PCDHGA2: variants seen among roughly 807,000 people sequenced by gnomAD.
PCDHGA2 encodes protocadherin gamma-A2.
In PCDHGA2, 40 loss-of-function variants were observed where a neutral mutation model predicts 59.2. The ratio of observed to expected loss-of-function variants is 0.68; its 90% CI spans 0.52 to 0.88. The LOEUF (loss-of-function observed/expected upper bound fraction) is 0.88, where lower values mean the gene tolerates loss of function less well. PCDHGA2 is among the 40% of genes least tolerant of loss of function. The pLI is 0.00. For synonymous variants in PCDHGA2, 560 were observed against 526.0 expected, an observed-to-expected ratio of 1.06 and a Z score of -0.89; for missense variants, 1,226 against 1,204.0, an observed-to-expected ratio of 1.02 and a Z score of -0.27.
At position 141,399,372 on chromosome 5, in the gene PCDHGA2, T is replaced by A; in HGVS notation, c.2424+57977T>A. The A allele has an allele frequency of 1.2e-6, 2 of 1,613,970 alleles. 1 individual carries two copies. The highest frequency in any genetic ancestry group is 2.2e-5 in the South Asian group (2 of 91,086). On this transcript the variant is annotated intron_variant, in intron 1 of 3. Transcript: ENST00000394576. ...ACCGAGAGCAAACCCCGGAGTACAATGTCACCATCACAGCCACAGACAGGG... is the reference window on the plus strand; with the variant it reads ...ACCGAGAGCAAACCCCGGAGTACAAAGTCACCATCACAGCCACAGACAGGG...
At chr5:141,360,154 A>G (rs1287127604) in intron 1 of PCDHGA2, 1 of 1,603,902 alleles carries the variant, frequency 6.2e-7, no homozygotes, top group South Asian at 1.1e-5. Flanking sequence ...GAGCTCAGGG[A>G]GGTGCGGGCT....
chr5:141,390,053 C>G, intron 1 of PCDHGA2: 1 of 1,614,066 alleles, frequency 6.2e-7, no homozygotes, highest in Non-Finnish European at 8.5e-7. Context: ...CCTCCTGGAG[C>G]TGCTTCCAGC....
chr5:141,431,222 C>T lies in PCDHGA2; in HGVS notation c.2425-63585C>T. On this transcript the variant is annotated intron_variant, in intron 1 of 3. Transcript: ENST00000394576. The surrounding 1 kb of genome is among the most constrained non-coding windows in gnomAD (Gnocchi z 4.8). ...AGCCACTGAGATGCGGTTCCCTCTA[C>T]CCCACGCCTGGGATCCGGATATCGG... The T allele has an allele frequency of 6.2e-7, 1 of 1,614,170 alleles. No individual in the cohort carries two copies. Among genetic ancestry groups the T allele is most frequent in the South Asian group, 1.1e-5 (1 of 91,090 alleles).
At position 141,340,827 on chromosome 5, in the gene PCDHGA2, T is replaced by C. The variant is rs1455827873; in HGVS notation, c.1856T>C (p.Val619Ala). The change falls in exon 1 of 4, where the codon GTG (valine) becomes GCG (alanine). Residue 619 changes from valine (V) to alanine (A), a missense_variant. Val to Ala is a moderately conservative substitution (Grantham distance 64). Coordinates refer to ENST00000394576, the MANE Select transcript of PCDHGA2 (RefSeq NM_018915.4). Reference protein sequence around the residue: ...LKASEPGLFSVGLHTGEVRTA... With the variant: ...LKASEPGLFSAGLHTGEVRTA... ...GCCAGCGAGCCGGGACTCTTCTCGG[T>C]GGGTCTGCACACGGGCGAGGTGCGC... 2 of 1,613,750 alleles carry C rather than the reference T, an allele frequency of 1.2e-6. No homozygotes were observed. The highest frequency in any genetic ancestry group is 1.7e-6 in the Non-Finnish European group (2 of 1,179,970).
At chr5:141,414,223 G>C in intron 1 of PCDHGA2, 1 of 1,613,426 alleles carries the variant, frequency 6.2e-7, no homozygotes, top group Non-Finnish European at 8.5e-7. Flanking sequence ...CAACAGTCCA[G>C]AGCTGACCAT....
rs73794918 is a variant in PCDHGA2, at chr5:141,443,711, A to G, written c.2425-51096A>G. On this transcript the variant is annotated intron_variant, in intron 1 of 3. Coordinates refer to ENST00000394576, the MANE Select transcript of PCDHGA2 (RefSeq NM_018915.4). ...TCAAAAATTATAGAATAACATTTGC[A>G]TATAAAATTCCTCATACATTTCCCT... 9.8e-3 allele frequency among the ~76,000 whole-genome samples: 1,497 copies of G among 152,340 alleles called. 25 individuals are homozygous for G. Among genetic ancestry groups the G allele is most frequent in the African/African-American group, 0.033 (1,382 of 41,580 alleles).
chr5:141,394,700 G>A (rs775789970), intron 1 of PCDHGA2: 1 of 1,613,138 alleles, frequency 6.2e-7, no homozygotes, highest in Non-Finnish European at 8.5e-7. Flanking sequence ...TGCGCACGGC[G>A]CGAGCCCTGC....
chr5:141,347,357 G>A (rs1757957442), intron 1 of PCDHGA2, among the ~76,000 whole-genome samples: 1 of 151,928 alleles, frequency 6.6e-6, no homozygotes. Flanking sequence ...CAATTGCTAT[G>A]TTTCCCAGGC....
At chr5:141,374,364 A>C in intron 1 of PCDHGA2, 2 of 1,614,024 alleles carry the variant, frequency 1.2e-6, no homozygotes, top group Non-Finnish European at 1.7e-6. Context: ...GACCGCGAGG[A>C]GCTCTGTGCT....
Position 141,487,548 on chromosome 5 carries a change from G to T in PCDHGA2, c.2425-7259G>T. The T allele has an allele frequency of 6.2e-7, 1 of 1,614,190 alleles. No homozygotes were observed. Among genetic ancestry groups the T allele is most frequent in the Non-Finnish European group, 8.5e-7 (1 of 1,180,038 alleles). ...AGCTTCATGATGGTGAAGTCACCCA[G>T]TGCACCTATGGCAGGGGAGCCTGTT... is the stretch of plus-strand genomic sequence containing the variant. On this transcript the variant is annotated intron_variant, in intron 1 of 3. Coordinates refer to ENST00000394576, the MANE Select transcript of PCDHGA2 (RefSeq NM_018915.4). The surrounding 1 kb of genome is among the most constrained non-coding windows in gnomAD (Gnocchi z 5.0).
chr5:141,344,954 A>G (rs768825990), intron 1 of PCDHGA2: 4 of 1,613,842 alleles, frequency 2.5e-6, no homozygotes, highest in Non-Finnish European at 3.4e-6. Context: ...TAAAAAGTCT[A>G]GATTATGAGG....
chr5:141,377,207 A>C (rs1170353646), intron 1 of PCDHGA2: 1 of 152,122 alleles, frequency 6.6e-6, no homozygotes, highest in Non-Finnish European at 1.5e-5. Context: ...GATTGAGTAC[A>C]TCTCGTTTCT....
chr5:141,387,780 G>T, intron 1 of PCDHGA2: 2 of 1,461,128 alleles, frequency 1.4e-6, no homozygotes, highest in Admixed American at 2.6e-5. Flanking sequence ...TCTTGAACTG[G>T]AACTGCAACT....
chr5:141,489,915 C>T lies in PCDHGA2; in HGVS notation c.2425-4892C>T, dbSNP rs971312502. On this transcript the variant is annotated intron_variant, in intron 1 of 3. Coordinates refer to ENST00000394576, the MANE Select transcript of PCDHGA2 (RefSeq NM_018915.4). This position sits in a 1 kb window ranked among gnomAD's most constrained non-coding sequence, Gnocchi z 4.5. ...GGGGGACCCCAGCCCGCTCAGGGAC[C>T]ACCCTTATCTCTGTCATCGTGCTGG... The T allele has an allele frequency of 6.2e-7, 1 of 1,614,242 alleles. No individual in the cohort carries two copies. Among genetic ancestry groups the T allele is most frequent in the Non-Finnish European group, 8.5e-7 (1 of 1,180,044 alleles).
At chr5:141,344,809 C>T in intron 1 of PCDHGA2, 1 of 1,613,952 alleles carries the variant, frequency 6.2e-7, no homozygotes, top group Non-Finnish European at 8.5e-7. Flanking sequence ...CCTGTGGGTA[C>T]CCGGCTGCTC....
rs1038145479 is a variant in PCDHGA2 at position 141,408,047 on chromosome 5, A to G, written c.2424+66652A>G. The G allele has an allele frequency of 5.6e-6, 7 of 1,243,316 alleles. No individual in the cohort carries two copies. In the African/African-American group the frequency reaches 1.1e-4, roughly 19 times the overall value. The allele number at this position is 1,243,316 out of a possible 1,614,324, so 77.0% of individuals were successfully genotyped here. On this transcript the variant is annotated intron_variant, in intron 1 of 3. Coordinates refer to ENST00000394576, the MANE Select transcript of PCDHGA2 (RefSeq NM_018915.4). ...GAAAGAAGAAAACCAGCTCCCACAC[A>G]GAGCCTCCCGGCTGCGCAGACCTTT...
At chr5:141,449,471 G>T (rs1261821886) in intron 1 of PCDHGA2, among the ~76,000 whole-genome samples, 1 of 151,060 alleles carries the variant, frequency 6.6e-6, no homozygotes, top group African/African-American at 2.4e-5. Flanking sequence ...GCCAGGCCTG[G>T]TACCCCATGC....
intron 1 of PCDHGA2, chr5:141,376,173 T>C (rs531193543): frequency 1.3e-5 from 21 of 1,614,092 alleles, no homozygotes; most frequent in East Asian, 2.2e-5. Flanking sequence ...GTGGTGGCGG[T>C]GGCCGCGGTC....
intron 1 of PCDHGA2, chr5:141,419,209 G>C: frequency 6.2e-7 from 1 of 1,613,900 alleles, no homozygotes; most frequent in Admixed American, 1.7e-5. Context: ...ACAACGCGCC[G>C]GTTTTCGGAC....
Sources: allele counts gnomAD v4.1 joint callset (sites outside exome capture counted in the v4.1 genomes callset), GRCh38; gene constraint gnomAD v4.1.1; non-coding constraint Gnocchi (gnomAD v3.1); transcripts MANE v1.5; gene names NCBI Gene and HGNC (gene_info 2026-07-23, HGNC 2026-07-21).